The following MARCHF4 variants were observed in gnomAD, a reference collection of about 807,000 sequenced individuals.
MARCHF4 encodes membrane associated ring-CH-type finger 4, also known as E3 ubiquitin-protein ligase MARCHF4.
A neutral mutation model predicts 43.9 loss-of-function variants in MARCHF4; 14 were observed. That is an observed-to-expected ratio of 0.32 (90% CI 0.21 to 0.50). The LOEUF (loss-of-function observed/expected upper bound fraction) is 0.50, where lower values mean the gene tolerates loss of function less well. Ranked by LOEUF, MARCHF4 falls within the 20% of genes least tolerant of loss-of-function variation. The probability of loss-of-function intolerance (pLI) is 0.98; values close to 1 mark genes in which losing one functional copy is unlikely to be tolerated. For missense variants in MARCHF4, 468 were observed against 536.7 expected, an observed-to-expected ratio of 0.87 and a Z score of 1.27; for synonymous variants, 226 against 213.3, an observed-to-expected ratio of 1.06 and a Z score of -0.52.
chr2:216,356,051 C>T (rs1408178564), intron 1 of MARCHF4, among the ~76,000 whole-genome samples: 1 of 152,210 alleles, frequency 6.6e-6, no homozygotes, highest in African/African-American at 2.4e-5. Flanking sequence ...CTTATTGCTC[C>T]ATAGAGGCTT....
At position 216,258,743 on chromosome 2, in the gene MARCHF4, A is replaced by T. The variant is rs999535940; in HGVS notation, c.*569T>A. 2 of 152,542 alleles carry T rather than the reference A, an allele frequency of 1.3e-5. No individual in the cohort carries two copies. Among genetic ancestry groups the T allele is most frequent in the African/African-American group, 4.8e-5 (2 of 41,308 alleles). 9.4% of individuals were successfully genotyped at this position (152,542 alleles called of 1,614,324 possible). A position where few individuals can be genotyped will look rare whatever the true frequency, so the allele number is the denominator to read the frequency against. On this transcript the variant is annotated 3_prime_UTR_variant, in exon 4 of 4. Coordinates refer to ENST00000273067, the MANE Select transcript of MARCHF4 (RefSeq NM_020814.3). ...CCTCCCTGAGCATCCCTCCCTGACC[A>T]TCCACCCCACCATCCCCACAGCCAT...
Position 216,258,435 on chromosome 2 carries a change from C to A in MARCHF4, c.*877G>T, listed in dbSNP as rs1306904669. On this transcript the variant is annotated 3_prime_UTR_variant, in exon 4 of 4. Coordinates refer to ENST00000273067, the MANE Select transcript of MARCHF4 (RefSeq NM_020814.3). ...GGGAAAGTTGCTCCGGGATTGACAG[C>A]TTCCAAAGCTGAAGCCACAGCAGCA... is the stretch of plus-strand genomic sequence containing the variant. 2 of 152,554 alleles carry A rather than the reference C, an allele frequency of 1.3e-5. No individual in the cohort carries two copies. Among genetic ancestry groups the A allele is most frequent in the South Asian group, 4.2e-4 (2 of 4,816 alleles). The allele number at this position is 152,554 out of a possible 1,614,324, so 9.5% of individuals were successfully genotyped here.
At chr2:216,304,527 C>A (rs1258004434) in intron 1 of MARCHF4, among the ~76,000 whole-genome samples, 3 of 152,166 alleles carry the variant, frequency 2.0e-5, no homozygotes, top group African/African-American at 7.2e-5. Flanking sequence ...TAAGGTTGAT[C>A]ACCTCTTCTC....
chr2:216,305,101 A>C (rs542538070), intron 1 of MARCHF4, among the ~76,000 whole-genome samples: 1 of 152,230 alleles, frequency 6.6e-6, no homozygotes, highest in Non-Finnish European at 1.5e-5. Context: ...ATTAAAAAAA[A>C]AATTGTTCCA....
At position 216,277,483 on chromosome 2, in the gene MARCHF4, C is replaced by T. The variant is rs140988733; in HGVS notation, c.865+189G>A. Among the ~76,000 whole-genome samples, 456 of 152,294 alleles carry T rather than the reference C, an allele frequency of 3.0e-3. 1 individual carries two copies. The highest frequency in any genetic ancestry group is 4.8e-3 in the Non-Finnish European group (326 of 68,022). On this transcript the variant is annotated intron_variant, in intron 3 of 3. Coordinates refer to ENST00000273067, the MANE Select transcript of MARCHF4 (RefSeq NM_020814.3). ...TTTGGGAAAGATCTAGATCTTCCTT[C>T]TTTTCCCTGCCTCCTCCCCCTTCCC...
chr2:216,288,845 T>C (rs1691261029), intron 1 of MARCHF4, among the ~76,000 whole-genome samples: 1 of 152,050 alleles, frequency 6.6e-6, no homozygotes, highest in Non-Finnish European at 1.5e-5. Flanking sequence ...GCAGCAGATT[T>C]AGGAGAGCTC....
chr2:216,314,586 G>C (rs534046616), intron 1 of MARCHF4, among the ~76,000 whole-genome samples: 2 of 152,158 alleles, frequency 1.3e-5, no homozygotes, highest in African/African-American at 4.8e-5. Flanking sequence ...GCCTCCCAAA[G>C]TGCTGGGGTT....
chr2:216,322,099 G>A (rs1192923507), intron 1 of MARCHF4, among the ~76,000 whole-genome samples: 1 of 152,126 alleles, frequency 6.6e-6, no homozygotes, highest in African/African-American at 2.4e-5. Flanking sequence ...AAGGGGATGT[G>A]TGTGTGTGTG....
chr2:216,261,502 G>A (rs1040075771), intron 3 of MARCHF4, among the ~76,000 whole-genome samples: 20 of 152,162 alleles, frequency 1.3e-4, no homozygotes, highest in Admixed American at 7.9e-4. Flanking sequence ...TCACATTGGC[G>A]AAGTCCTTTT....
At chr2:216,352,387 G>A (rs985117649) in intron 1 of MARCHF4, among the ~76,000 whole-genome samples, 12 of 152,236 alleles carry the variant, frequency 7.9e-5, no homozygotes, top group African/African-American at 2.7e-4. Flanking sequence ...CAGGGAGGTC[G>A]ACACAACTCT....
intron 3 of MARCHF4, among the ~76,000 whole-genome samples, chr2:216,266,591 A>G (rs551487066): frequency 6.6e-6 from 1 of 152,198 alleles, no homozygotes; most frequent in East Asian, 1.9e-4. Context: ...AACCACAGAG[A>G]GGCACTCTCC....
intron 1 of MARCHF4, among the ~76,000 whole-genome samples, chr2:216,336,742 T>TAAAAAAAAAAAAA (rs58031229): frequency 2.3e-4 from 13 of 55,668 alleles, no homozygotes; most frequent in Non-Finnish European, 3.1e-4. Context: ...CAAATAGATT[T>TAAAAAAAAAAAAA]AAAAAAAAAA....
rs1026347807 is a variant in MARCHF4, at chr2:216,372,009, G to A, written c.-1749C>T. 1.3e-5 allele frequency: 2 copies of A among 152,602 alleles called. No homozygotes were observed. Among genetic ancestry groups the A allele is most frequent in the African/African-American group, 4.8e-5 (2 of 41,448 alleles). 9.5% of individuals were successfully genotyped at this position (152,602 alleles called of 1,614,324 possible). ...CTGAAGGTGGGGAGGGGGGAGCGAA[G>A]CAGTGTGGCCGAGGTGGGAGGCAGC... On this transcript the variant is annotated 5_prime_UTR_variant, in exon 1 of 4. Transcript: ENST00000273067.
intron 1 of MARCHF4, among the ~76,000 whole-genome samples, chr2:216,305,664 A>G (rs1691575363): frequency 6.6e-6 from 1 of 152,226 alleles, no homozygotes; most frequent in African/African-American, 2.4e-5. Flanking sequence ...TCACACCCAC[A>G]GACTCAGACT....
intron 1 of MARCHF4, among the ~76,000 whole-genome samples, chr2:216,293,201 AC>A (rs1691335375): frequency 1.3e-5 from 2 of 152,018 alleles, no homozygotes; most frequent in Admixed American, 1.3e-4. Context: ...TAGCTGCACC[AC>A]CCGTCCATGG....
At chr2:216,320,449 C>T (rs1199297992) in intron 1 of MARCHF4, among the ~76,000 whole-genome samples, 1 of 152,118 alleles carries the variant, frequency 6.6e-6, no homozygotes, top group Non-Finnish European at 1.5e-5. Context: ...GCAACTGAGG[C>T]TTTGAGGCAT....
chr2:216,290,694 G>T (rs1005021936), intron 1 of MARCHF4, among the ~76,000 whole-genome samples: 24 of 152,182 alleles, frequency 1.6e-4, no homozygotes, highest in African/African-American at 5.8e-4. Context: ...AGCAGAGGAA[G>T]TCCTGAGAAA....
chr2:216,306,046 A>G (rs114462730), intron 1 of MARCHF4, among the ~76,000 whole-genome samples: 2,644 of 152,250 alleles, frequency 0.017, 78 homozygotes, highest in African/African-American at 0.06. Flanking sequence ...CATTACCATA[A>G]TTATCATCAT....
intron 1 of MARCHF4, among the ~76,000 whole-genome samples, chr2:216,298,556 A>G (rs1691433772): frequency 6.6e-6 from 1 of 152,174 alleles, no homozygotes; most frequent in Non-Finnish European, 1.5e-5. Context: ...GTGAGCCACT[A>G]TGCACAGCCT....
Sources: gnomAD v4.1 joint callset for allele counts (sites outside exome capture counted in the v4.1 genomes callset) on GRCh38, gnomAD v4.1.1 for gene constraint, MANE v1.5 for transcripts, NCBI Gene and HGNC (gene_info 2026-07-23, HGNC 2026-07-21) for gene names.